FAM185A: variants seen among roughly 807,000 people sequenced by gnomAD.
FAM185A encodes the protein family with sequence similarity 185 member A.
In FAM185A, 21 loss-of-function variants were observed where a neutral mutation model predicts 45.7. The ratio of observed to expected loss-of-function variants is 0.46; its 90% CI spans 0.33 to 0.66. The LOEUF is 0.66. Ranked by LOEUF, FAM185A falls within the 30% of genes least tolerant of loss-of-function variation. The pLI is 0.03. For missense variants in FAM185A, 305 were observed against 485.4 expected, an observed-to-expected ratio of 0.63 and a Z score of 3.49; for synonymous variants, 117 against 194.0, an observed-to-expected ratio of 0.60 and a Z score of 3.30.
chr7:102,827,770 T>C, the FAM185A span, among the ~76,000 whole-genome samples: 1,525 of 152,196 alleles, frequency 0.01, 22 homozygotes, highest in African/African-American at 0.035. Context: ...AGTGAGAACA[T>C]GCAGTGTTTG....
At chr7:102,765,078 C>T (rs1794311247) in intron 4 of FAM185A, among the ~76,000 whole-genome samples, 1 of 152,186 alleles carries the variant, frequency 6.6e-6, no homozygotes, top group South Asian at 2.1e-4. Flanking sequence ...CTCTCAACTC[C>T]ACAAGTTAAT....
At chr7:102,805,611 A>G (rs1406290462) in intron 7 of FAM185A, among the ~76,000 whole-genome samples, 1 of 152,190 alleles carries the variant, frequency 6.6e-6, no homozygotes, top group Non-Finnish European at 1.5e-5. Context: ...GTGCATCAAA[A>G]TCTCACAAAT....
chr7:102,824,899 T>C, the FAM185A span, among the ~76,000 whole-genome samples: 1 of 150,192 alleles, frequency 6.7e-6, no homozygotes, highest in Non-Finnish European at 1.5e-5. Context: ...GCTGGGACCA[T>C]AGCTGCACAC....
intron 7 of FAM185A, among the ~76,000 whole-genome samples, chr7:102,807,139 G>C (rs1311073992): frequency 1.3e-5 from 2 of 151,810 alleles, no homozygotes; most frequent in African/African-American, 4.8e-5. Context: ...TTTAGAAAGA[G>C]CAACTAATCC....
intron 7 of FAM185A, among the ~76,000 whole-genome samples, chr7:102,795,460 C>CA (rs1796390395): frequency 1.3e-5 from 2 of 151,836 alleles, no homozygotes; most frequent in South Asian, 2.1e-4. Flanking sequence ...GAAACAATGA[C>CA]AAAAAAATTT....
chr7:102,769,241 T>C (rs949394367), intron 4 of FAM185A, among the ~76,000 whole-genome samples: 3 of 152,052 alleles, frequency 2.0e-5, no homozygotes, highest in African/African-American at 7.2e-5. Context: ...GCTTTTAGTA[T>C]ACAGTAGAAC....
At chr7:102,790,253 C>A (rs1450471091) in intron 7 of FAM185A, among the ~76,000 whole-genome samples, 1 of 152,166 alleles carries the variant, frequency 6.6e-6, no homozygotes, top group Admixed American at 6.5e-5. Context: ...CCAGCATCAC[C>A]ACAAATGCAG....
At chr7:102,749,709 A>C in intron 1 of FAM185A, 51 bp downstream of exon 1, 1 of 1,494,804 alleles carries the variant, frequency 6.7e-7, no homozygotes. Context: ...ACGCACAGTG[A>C]ACTTAATAAA....
intron 4 of FAM185A, among the ~76,000 whole-genome samples, chr7:102,769,797 A>G (rs1360105079): frequency 2.0e-5 from 3 of 151,454 alleles, no homozygotes. Flanking sequence ...CAGGCCTCAC[A>G]TGGAGAGAGG....
the FAM185A span, among the ~76,000 whole-genome samples, chr7:102,820,959 G>C: frequency 6.6e-6 from 1 of 152,222 alleles, no homozygotes; most frequent in African/African-American, 2.4e-5. Flanking sequence ...CCCCTTGCCA[G>C]AAAGTCTCCA....
At chr7:102,750,919 G>C (rs564631787) in intron 1 of FAM185A, among the ~76,000 whole-genome samples, 1 of 151,652 alleles carries the variant, frequency 6.6e-6, no homozygotes, top group Non-Finnish European at 1.5e-5. Context: ...GTTTGTTTTG[G>C]TTTTTTTTGA....
the FAM185A span, among the ~76,000 whole-genome samples, chr7:102,842,133 C>G: frequency 3.3e-5 from 5 of 152,174 alleles, no homozygotes; most frequent in South Asian, 6.2e-4. Context: ...GACAAAAGAT[C>G]CAAATGTCCG....
chr7:102,780,099 A>T (rs981901178), intron 6 of FAM185A, among the ~76,000 whole-genome samples: 2 of 152,052 alleles, frequency 1.3e-5, no homozygotes, highest in Admixed American at 1.3e-4. Context: ...TGTCATGCTT[A>T]TCTCAAACTT....
At chr7:102,821,726 C>T in the FAM185A span, among the ~76,000 whole-genome samples, 1 of 152,106 alleles carries the variant, frequency 6.6e-6, no homozygotes, top group African/African-American at 2.4e-5. Context: ...TCTCTTAATG[C>T]TCTAGGGGAG....
At chr7:102,833,402 T>C in the FAM185A span, among the ~76,000 whole-genome samples, 2 of 151,770 alleles carry the variant, frequency 1.3e-5, no homozygotes, top group African/African-American at 2.4e-5. Flanking sequence ...ACCTCTTAAA[T>C]CTTAGCAAGT....
At chr7:102,783,554 G>A (rs1465530917) in intron 6 of FAM185A, among the ~76,000 whole-genome samples, 1 of 151,998 alleles carries the variant, frequency 6.6e-6, no homozygotes, top group Non-Finnish European at 1.5e-5. Context: ...ATGACTACTG[G>A]GTACATAACG....
intron 7 of FAM185A, among the ~76,000 whole-genome samples, chr7:102,794,631 C>T (rs985808333): frequency 1.2e-4 from 18 of 151,988 alleles, no homozygotes; most frequent in African/African-American, 4.4e-4. Context: ...AAAGAAACTA[C>T]CATTAATCAC....
intron 6 of FAM185A, among the ~76,000 whole-genome samples, chr7:102,782,003 C>T (rs549382466): frequency 1.6e-3 from 249 of 152,156 alleles, no homozygotes; most frequent in African/African-American, 5.7e-3. Context: ...AACTATGTGA[C>T]GAATGCACAA....
chr7:102,814,899 A>G, the FAM185A span, among the ~76,000 whole-genome samples: 3 of 152,220 alleles, frequency 2.0e-5, no homozygotes, highest in African/African-American at 7.2e-5. Context: ...GAACATTACT[A>G]TGCAAAAGTA....
Sources: allele counts gnomAD v4.1 joint callset (sites outside exome capture counted in the v4.1 genomes callset), GRCh38; gene constraint gnomAD v4.1.1; transcripts MANE v1.5; gene names NCBI Gene and HGNC (gene_info 2026-07-23, HGNC 2026-07-21).